Variants in CAPZB observed in about 807,000 individuals in gnomAD.
CAPZB encodes F-actin-capping protein subunit beta.
In CAPZB, 2 loss-of-function variants were observed where a neutral mutation model predicts 38.1. That is an observed-to-expected ratio of 0.05 (90% confidence interval 0.02 to 0.17). CAPZB has a LOEUF of 0.17. CAPZB is among the 10% of genes least tolerant of loss of function. The pLI, the probability that CAPZB is intolerant of heterozygous loss-of-function variation, is 1.00. For missense variants in CAPZB, 161 were observed against 334.2 expected (o/e 0.48, Z 4.04); for synonymous variants, 107 against 127.4 (o/e 0.84, Z 1.08).
chr1:19,379,693 CT>C (rs1406005275), intron 3 of CAPZB, among the ~76,000 whole-genome samples: 2 of 152,172 alleles, frequency 1.3e-5, no homozygotes, highest in Non-Finnish European at 2.9e-5. Flanking sequence ...AAAAGACTTG[CT>C]GTATTTCTTG....
intron 1 of CAPZB, among the ~76,000 whole-genome samples, chr1:19,478,833 C>T (rs1162202881): frequency 1.3e-5 from 2 of 152,342 alleles, no homozygotes; most frequent in Admixed American, 1.3e-4. Flanking sequence ...CCAGGTGGGC[C>T]TCGGTTTCCT....
At chr1:19,399,414 A>G (rs1450027238) in intron 2 of CAPZB, among the ~76,000 whole-genome samples, 4 of 152,172 alleles carry the variant, frequency 2.6e-5, no homozygotes, top group Non-Finnish European at 5.9e-5. Context: ...GTCAGGAACC[A>G]TGGGCAGTGT....
At position 19,405,075 on chromosome 1, in the gene CAPZB, G is replaced by A. The variant is rs186492865; in HGVS notation, c.93+14586C>T. Among the ~76,000 whole-genome samples, 551 of 152,164 alleles carry A rather than the reference G, an allele frequency of 3.6e-3. 3 individuals carry two copies. Among genetic ancestry groups the A allele is most frequent in the African/African-American group, 0.013 (519 of 41,518 alleles). ...GGACCACCAGCCCTTGAGTCCCAGG[G>A]GCTGAGGTCTCCTGAGTCATAGCTC... On this transcript the variant is annotated intron_variant, in intron 2 of 8. Transcript: ENST00000264202.
At chr1:19,451,456 G>A (rs34929465) in intron 1 of CAPZB, among the ~76,000 whole-genome samples, 39,132 of 152,020 alleles carry the variant, frequency 0.26, 5,121 homozygotes, top group Non-Finnish European at 0.27. Context: ...GCTCCCCACC[G>A]GCATGTGGTA....
intron 2 of CAPZB, among the ~76,000 whole-genome samples, chr1:19,393,924 C>A: frequency 6.6e-6 from 1 of 152,276 alleles, no homozygotes; most frequent in East Asian, 1.9e-4. Flanking sequence ...CCTGCCAGGG[C>A]CACACACAAG....
Position 19,485,506 on chromosome 1 carries a change from G to T in CAPZB, c.-68C>A, listed in dbSNP as rs1570397146. ...TCTCCCCCCCGCAGCAGGGCCCGGCGCTTCCACTTCCCCGGGTGCCCAGGA... is the reference window on the plus strand; with the variant it reads ...TCTCCCCCCCGCAGCAGGGCCCGGCTCTTCCACTTCCCCGGGTGCCCAGGA... On this transcript the variant is annotated 5_prime_UTR_variant, in exon 1 of 9. Transcript: ENST00000264202. The T allele has an allele frequency of 1.7e-6, 2 of 1,211,246 alleles. No homozygotes were observed. Among genetic ancestry groups the T allele is most frequent in the Non-Finnish European group, 2.1e-6 (2 of 970,654 alleles). The allele number at this position is 1,211,246 out of a possible 1,614,324, so 75.0% of individuals were successfully genotyped here. A position where few individuals can be genotyped will look rare whatever the true frequency, so the allele number is the denominator to read the frequency against.
chr1:19,449,944 T>A (rs1015520936), intron 1 of CAPZB, among the ~76,000 whole-genome samples: 7 of 150,786 alleles, frequency 4.6e-5, no homozygotes, highest in African/African-American at 1.7e-4. Context: ...GAGTTTGAGA[T>A]CAGCCTGGGC....
intron 1 of CAPZB, among the ~76,000 whole-genome samples, chr1:19,443,128 T>C (rs1304425166): frequency 1.3e-5 from 2 of 152,002 alleles, no homozygotes; most frequent in East Asian, 3.9e-4. Flanking sequence ...AGTTCACGCC[T>C]GTAATCACAG....
chr1:19,459,417 G>A (rs10799814), intron 1 of CAPZB, among the ~76,000 whole-genome samples: 91,826 of 152,056 alleles, frequency 0.6, 27,964 homozygotes, highest in Non-Finnish European at 0.63. Flanking sequence ...CAGGCAGAAA[G>A]ACAATTCGGA....
intron 1 of CAPZB, among the ~76,000 whole-genome samples, chr1:19,473,911 C>T (rs2094598209): frequency 6.6e-6 from 1 of 152,014 alleles, no homozygotes; most frequent in African/African-American, 2.4e-5. Flanking sequence ...GTGTTAATAG[C>T]ATGACAAATG....
chr1:19,454,020 C>A (rs2094525303), intron 1 of CAPZB, among the ~76,000 whole-genome samples: 1 of 152,310 alleles, frequency 6.6e-6, no homozygotes, highest in Non-Finnish European at 1.5e-5. Flanking sequence ...AAGTGCGCTG[C>A]CTCCTGGAGT....
intron 1 of CAPZB, among the ~76,000 whole-genome samples, chr1:19,463,233 G>A (rs1449973337): frequency 6.6e-6 from 1 of 152,176 alleles, no homozygotes; most frequent in Non-Finnish European, 1.5e-5. Flanking sequence ...TGGGGTCTGA[G>A]GGCAGGTGAG....
intron 2 of CAPZB, among the ~76,000 whole-genome samples, chr1:19,416,289 A>C (rs2094378872): frequency 6.6e-6 from 1 of 152,206 alleles, no homozygotes; most frequent in African/African-American, 2.4e-5. Flanking sequence ...CAGCACATAG[A>C]CACACCACAT....
intron 2 of CAPZB, among the ~76,000 whole-genome samples, chr1:19,396,312 C>T (rs780274949): frequency 3.3e-5 from 5 of 152,142 alleles, no homozygotes; most frequent in Non-Finnish European, 7.3e-5. Context: ...CTTTTGAAGC[C>T]CAAGCCTGCC....
intron 6 of CAPZB, among the ~76,000 whole-genome samples, chr1:19,348,538 G>A (rs2093974609): frequency 1.3e-5 from 2 of 152,126 alleles, no homozygotes; most frequent in African/African-American, 4.8e-5. Flanking sequence ...GGAGACACAA[G>A]AGATTCTGGC....
intron 2 of CAPZB, among the ~76,000 whole-genome samples, chr1:19,395,454 T>C (rs2094262008): frequency 1.3e-5 from 2 of 152,152 alleles, no homozygotes; most frequent in Non-Finnish European, 2.9e-5. Context: ...CTTTCAGCCA[T>C]TCATACTCCA....
At chr1:19,352,726 CA>C (rs1260636209) in intron 6 of CAPZB, among the ~76,000 whole-genome samples, 2 of 152,264 alleles carry the variant, frequency 1.3e-5, no homozygotes, top group Non-Finnish European at 2.9e-5. Context: ...GGGAATTTGC[CA>C]GAATACTTTA....
intron 1 of CAPZB, among the ~76,000 whole-genome samples, chr1:19,441,894 A>G (rs1326866753): frequency 6.6e-6 from 1 of 151,512 alleles, no homozygotes; most frequent in African/African-American, 2.4e-5. Flanking sequence ...TTGTAATCCC[A>G]GCTACTTGGG....
At position 19,423,562 on chromosome 1, in the gene CAPZB, T is replaced by C. The variant is rs1036756318; in HGVS notation, c.4-3812A>G. On this transcript the variant is annotated intron_variant, in intron 1 of 8. Coordinates refer to ENST00000264202, the MANE Select transcript of CAPZB (RefSeq NM_004930.5). ...TTTTTAAAGATAGGCTCTCACTCTG[T>C]CGCCCAGGCTGGACTGTAGTGGCAC... Among the ~76,000 whole-genome samples the C allele has an allele frequency of 4.1e-5, 6 of 145,916 alleles. No homozygotes were observed. The Admixed American group carries it at 4.2e-4, about 10-fold the overall frequency.
Sources: allele counts gnomAD v4.1 joint callset (sites outside exome capture counted in the v4.1 genomes callset), GRCh38; gene constraint gnomAD v4.1.1; transcripts MANE v1.5; gene names NCBI Gene and HGNC (gene_info 2026-07-23, HGNC 2026-07-21).